The following NGDN variants were observed in gnomAD, a reference collection of about 807,000 sequenced individuals.
NGDN encodes EIF4E-binding protein.
In NGDN, 41 loss-of-function variants were observed where a neutral mutation model predicts 45.2. The observed-to-expected ratio is 0.91, with a 90% CI of 0.71 to 1.18. The LOEUF (loss-of-function observed/expected upper bound fraction) is 1.18. NGDN is among the 50% of genes most tolerant of loss of function. The pLI is 0.00. For missense variants in NGDN, 402 were observed against 399.9 expected (o/e 1.01, Z -0.05); for synonymous variants, 137 against 130.9 (o/e 1.05, Z -0.32).
chr14:23,470,399 A>G (rs1421563808), intron 2 of NGDN: 2 of 342,726 alleles, frequency 5.8e-6, no homozygotes, highest in African/African-American at 2.1e-5. Flanking sequence ...ATACACACTT[A>G]TATACAGATG....
chr14:23,475,107 A>G (rs1006990207), intron 3 of NGDN, 64 bp from the exon 4 acceptor site: 12 of 1,528,066 alleles, frequency 7.9e-6, no homozygotes, highest in Non-Finnish European at 1.1e-5. Flanking sequence ...CGTTTACCCT[A>G]GGCTTTCATC....
chr14:23,470,016 C>G, intron 1 of NGDN, 26 bp from the exon 2 acceptor site: 1 of 1,612,568 alleles, frequency 6.2e-7, no homozygotes, highest in Non-Finnish European at 8.5e-7. Context: ...AATGACTTTT[C>G]TTTACGCCTC....
intron 3 of NGDN, among the ~76,000 whole-genome samples, chr14:23,474,918 T>TG (rs1449076524): frequency 2.0e-5 from 3 of 152,060 alleles, no homozygotes; most frequent in Non-Finnish European, 2.9e-5. Flanking sequence ...TAGTCTTTTT[T>TG]GGGGGGGTAG....
intron 9 of NGDN, 64 bp from the exon 10 acceptor site, chr14:23,477,439 T>C: frequency 1.2e-6 from 2 of 1,612,420 alleles, no homozygotes; most frequent in Non-Finnish European, 1.7e-6. Context: ...CATGAGGAAC[T>C]TGGGAAGGGA....
intron 6 of NGDN, 51 bp downstream of exon 6, chr14:23,475,829 G>A (rs370658390): frequency 4.4e-4 from 693 of 1,562,280 alleles, no homozygotes; most frequent in Non-Finnish European, 5.9e-4. Context: ...GCTATACCTA[G>A]ATGAGCCTCT....
chr14:23,472,182 TAAAAAAA>T (rs78085081), intron 3 of NGDN, among the ~76,000 whole-genome samples: 1 of 82,108 alleles, frequency 1.2e-5, no homozygotes, highest in African/African-American at 4.7e-5. Context: ...GAGACTGTCT[TAAAAAAA>T]AAAAAAAAAA....
At chr14:23,473,212 T>C (rs549006337) in intron 3 of NGDN, among the ~76,000 whole-genome samples, 1 of 152,082 alleles carries the variant, frequency 6.6e-6, no homozygotes, top group Non-Finnish European at 1.5e-5. Flanking sequence ...TTAGCCAGGC[T>C]GGTCTCGAAC....
chr14:23,470,319 C>T, intron 2 of NGDN: 1 of 539,976 alleles, frequency 1.9e-6, no homozygotes, highest in Non-Finnish European at 3.3e-6. Context: ...AATAGTTTTC[C>T]TTTATTCATA....
At chr14:23,473,053 G>C (rs1396536408) in intron 3 of NGDN, among the ~76,000 whole-genome samples, 1 of 152,172 alleles carries the variant, frequency 6.6e-6, no homozygotes, top group Non-Finnish European at 1.5e-5. Flanking sequence ...CGGCTGGAGT[G>C]CAGTGGCACG....
At chr14:23,475,965 T>C in intron 6 of NGDN, 64 bp from the exon 7 acceptor site, 1 of 1,603,764 alleles carries the variant, frequency 6.2e-7, no homozygotes, top group Non-Finnish European at 8.5e-7. Flanking sequence ...ACTCCAGCTT[T>C]GGGTTTTCTT....
At chr14:23,475,150 T>C (rs1473770327) in intron 3 of NGDN, 21 bp from the exon 4 acceptor site, 1 of 1,595,322 alleles carries the variant, frequency 6.3e-7, no homozygotes. Flanking sequence ...TCTGTTTTTC[T>C]TTCTGTTTTG....
At chr14:23,475,518 T>G (rs1188085554) in intron 4 of NGDN, 40 bp from the exon 5 acceptor site, 2 of 1,596,252 alleles carry the variant, frequency 1.3e-6, no homozygotes, top group Non-Finnish European at 1.7e-6. Context: ...TGCTTCATTT[T>G]GGGAAGGAAA....
rs150237076 is a variant in NGDN, at chr14:23,477,485, T to C, written c.871-18T>C. On this transcript the variant is annotated intron_variant, in intron 9 of 10. Coordinates refer to ENST00000408901, the MANE Select transcript of NGDN (RefSeq NM_001042635.2). ...CAGAACCACAGTGCCATTCCATCAC[T>C]TCTCCATCTGTCTCCAGGATCAGAA... The C allele has an allele frequency of 5.5e-4, 885 of 1,614,178 alleles. 10 individuals are homozygous for C. In the African/African-American group the frequency reaches 8.3e-3, roughly 15 times the overall value.
chr14:23,474,261 C>T (rs1893848507), intron 3 of NGDN, among the ~76,000 whole-genome samples: 1 of 152,038 alleles, frequency 6.6e-6, no homozygotes, highest in Non-Finnish European at 1.5e-5. Flanking sequence ...CTTAGCTCTA[C>T]TTGTATTACT....
chr14:23,475,331 G>A lies in NGDN; in HGVS notation c.282+23G>A, dbSNP rs756521586. 5 of 1,595,846 alleles carry A rather than the reference G, an allele frequency of 3.1e-6. No individual in the cohort carries two copies. The East Asian group carries it at 1.1e-4, about 36-fold the overall frequency. ...ACGGTATGAAGCATTTGGCTTCTTGGAGTTTTAGGTTTCTAAATTTTGAGC... is the reference window on the plus strand; with the variant it reads ...ACGGTATGAAGCATTTGGCTTCTTGAAGTTTTAGGTTTCTAAATTTTGAGC... On this transcript the variant is annotated intron_variant, in intron 4 of 10. Coordinates refer to ENST00000408901, the MANE Select transcript of NGDN (RefSeq NM_001042635.2).
intron 3 of NGDN, among the ~76,000 whole-genome samples, chr14:23,474,598 A>T (rs1893854984): frequency 6.6e-6 from 1 of 152,148 alleles, no homozygotes; most frequent in African/African-American, 2.4e-5. Flanking sequence ...CACTTTCACA[A>T]TTGAAGTCAT....
chr14:23,471,095 C>T (rs982470381), intron 3 of NGDN, 118 bp downstream of exon 3: 11 of 622,842 alleles, frequency 1.8e-5, no homozygotes, highest in African/African-American at 1.3e-4. Flanking sequence ...TAAATATGAT[C>T]CAGTTTCTGT....
chr14:23,469,824 T>C (rs1330328465), intron 1 of NGDN, 97 bp downstream of exon 1: 2 of 1,508,924 alleles, frequency 1.3e-6, no homozygotes, highest in Non-Finnish European at 1.8e-6. Context: ...GGAAGGGTGG[T>C]GATGAAAGTT....
At chr14:23,474,498 C>T (rs1232932349) in intron 3 of NGDN, among the ~76,000 whole-genome samples, 2 of 152,138 alleles carry the variant, frequency 1.3e-5, no homozygotes, top group Non-Finnish European at 2.9e-5. Flanking sequence ...CCTCATCTCA[C>T]CCTAGGGGTA....
Sources: gnomAD v4.1 joint callset for allele counts (sites outside exome capture counted in the v4.1 genomes callset) on GRCh38, gnomAD v4.1.1 for gene constraint, MANE v1.5 for transcripts, NCBI Gene and HGNC (gene_info 2026-07-23, HGNC 2026-07-21) for gene names.